Variants in ADCYAP1R1 observed in about 807,000 individuals in gnomAD.
ADCYAP1R1 encodes ADCYAP receptor type I.
Under a neutral mutation model 67.6 loss-of-function variants are expected in ADCYAP1R1, and 44 were observed. The ratio of observed to expected loss-of-function variants is 0.65; its 90% CI spans 0.51 to 0.84. The LOEUF (loss-of-function observed/expected upper bound fraction) is 0.84, where lower values mean the gene tolerates loss of function less well. Among genes scored for constraint, ADCYAP1R1 ranks in the 40% least tolerant of loss-of-function variants. The pLI, the probability that ADCYAP1R1 is intolerant of heterozygous loss-of-function variation, is 0.00. For synonymous variants in ADCYAP1R1, 222 were observed against 219.6 expected, an observed-to-expected ratio of 1.01 and a Z score of -0.10; for missense variants, 477 against 587.9, an observed-to-expected ratio of 0.81 and a Z score of 1.95.
intron 1 of ADCYAP1R1, among the ~76,000 whole-genome samples, chr7:31,055,281 G>T (rs760257097): frequency 6.6e-6 from 1 of 151,948 alleles, no homozygotes; most frequent in Non-Finnish European, 1.5e-5. Flanking sequence ...GATCACAAAG[G>T]TCTTCATTAA....
intron 3 of ADCYAP1R1, among the ~76,000 whole-genome samples, chr7:31,072,075 C>A (rs961798204): frequency 6.8e-6 from 1 of 146,346 alleles, no homozygotes; most frequent in African/African-American, 2.5e-5. Context: ...TGGGAGACAT[C>A]CTTGGTACCT....
chr7:31,071,645 T>C (rs1209169138), intron 3 of ADCYAP1R1, among the ~76,000 whole-genome samples: 6 of 152,352 alleles, frequency 3.9e-5, no homozygotes, highest in African/African-American at 1.4e-4. Context: ...CTTTTCTAAA[T>C]GCTGGCATTT....
Position 31,108,263 on chromosome 7 carries a change from A to G in ADCYAP1R1, c.*1579A>G, listed in dbSNP as rs1332853822. The G allele has an allele frequency of 6.6e-6, 1 of 152,226 alleles. No individual in the cohort carries two copies. Among genetic ancestry groups the G allele is most frequent in the African/African-American group, 2.4e-5 (1 of 41,452 alleles). The allele number at this position is 152,226 out of a possible 1,614,324, so 9.4% of individuals were successfully genotyped here. ...GAAAAGGCTCTTGTTGCTGTAATTT[A>G]GAGAGGAGCTCTGTGTCCTTGGCCA... is the stretch of plus-strand genomic sequence containing the variant. On this transcript the variant is annotated 3_prime_UTR_variant, in exon 16 of 16. Transcript: ENST00000304166.
At chr7:31,057,652 A>G (rs1430445836) in intron 1 of ADCYAP1R1, among the ~76,000 whole-genome samples, 1 of 152,104 alleles carries the variant, frequency 6.6e-6, no homozygotes, top group Non-Finnish European at 1.5e-5. Flanking sequence ...TGAGGAGGAA[A>G]GAGGTTCTAG....
chr7:31,081,043 A>G (rs575258872), intron 5 of ADCYAP1R1, among the ~76,000 whole-genome samples: 1 of 152,370 alleles, frequency 6.6e-6, no homozygotes, highest in South Asian at 2.1e-4. Context: ...AGAGAACAGA[A>G]GAGCAAATGA....
chr7:31,104,265 C>A (rs1261067936), intron 14 of ADCYAP1R1, among the ~76,000 whole-genome samples: 1 of 152,214 alleles, frequency 6.6e-6, no homozygotes, highest in Non-Finnish European at 1.5e-5. Context: ...CTTCAAACGA[C>A]AGCACAGGGC....
At chr7:31,067,225 G>T (rs1014902424) in intron 3 of ADCYAP1R1, among the ~76,000 whole-genome samples, 6 of 152,156 alleles carry the variant, frequency 3.9e-5, no homozygotes, top group African/African-American at 1.4e-4. Context: ...GCTAAGGAGA[G>T]GATCCCTCAT....
intron 14 of ADCYAP1R1, among the ~76,000 whole-genome samples, chr7:31,104,336 G>A (rs741057): frequency 0.42 from 63,301 of 152,070 alleles, 15,558 homozygotes; most frequent in East Asian, 0.69. Context: ...TTTTTGGTGT[G>A]GATTTAAAGA....
rs140929895 is a variant in ADCYAP1R1, at chr7:31,052,880, C to T, written c.-72+202C>T. Among the ~76,000 whole-genome samples the T allele has an allele frequency of 8.0e-3, 1,212 of 152,278 alleles. 17 individuals carry two copies. Among genetic ancestry groups the T allele is most frequent in the African/African-American group, 0.027 (1,141 of 41,572 alleles). Reference sequence around the variant, plus strand: ...GAAATGAAGCCCCCTCCCGCCGCTGCGCCCTTCCTGCGCGTCAGGCTGACA... The same window carrying T: ...GAAATGAAGCCCCCTCCCGCCGCTGTGCCCTTCCTGCGCGTCAGGCTGACA... On this transcript the variant is annotated intron_variant, in intron 1 of 15. Coordinates refer to ENST00000304166, the MANE Select transcript of ADCYAP1R1 (RefSeq NM_001118.5).
chr7:31,085,734 A>T (rs568152795), intron 9 of ADCYAP1R1, among the ~76,000 whole-genome samples: 2 of 152,342 alleles, frequency 1.3e-5, no homozygotes, highest in Non-Finnish European at 1.5e-5. Context: ...ACCAAGTCCC[A>T]CTTGAATGAA....
At chr7:31,104,738 A>T (rs1796571571) in intron 14 of ADCYAP1R1, 130 bp from the exon 15 acceptor site, 2 of 1,020,280 alleles carry the variant, frequency 2.0e-6, no homozygotes, top group Non-Finnish European at 3.1e-6. Context: ...CTTACCCCAG[A>T]TCCCTGGGCA....
At chr7:31,075,655 G>A (rs1044978904) in intron 3 of ADCYAP1R1, among the ~76,000 whole-genome samples, 17 of 152,312 alleles carry the variant, frequency 1.1e-4, no homozygotes, top group African/African-American at 4.1e-4. Context: ...GGAAAAGTGA[G>A]TGGCAGGGCC....
At chr7:31,095,428 G>A (rs1796147654) in intron 13 of ADCYAP1R1, among the ~76,000 whole-genome samples, 1 of 152,192 alleles carries the variant, frequency 6.6e-6, no homozygotes. Context: ...GTTCCAGCCT[G>A]TGTGAAAGCC....
At chr7:31,075,554 G>A (rs138789788) in intron 3 of ADCYAP1R1, among the ~76,000 whole-genome samples, 1 of 152,148 alleles carries the variant, frequency 6.6e-6, no homozygotes, top group African/African-American at 2.4e-5. Context: ...GGTTCTCCAG[G>A]GTTCCTTCCT....
At chr7:31,081,557 G>T (rs776735904) in intron 5 of ADCYAP1R1, among the ~76,000 whole-genome samples, 156 bp from the exon 6 acceptor site, 19 of 152,208 alleles carry the variant, frequency 1.2e-4, no homozygotes, top group Non-Finnish European at 1.2e-4. Context: ...TGTGAGAAAG[G>T]TGCGCGGCTG....
intron 13 of ADCYAP1R1, among the ~76,000 whole-genome samples, chr7:31,094,423 G>A (rs964670777): frequency 5.3e-5 from 8 of 152,120 alleles, no homozygotes; most frequent in Admixed American, 3.3e-4. Context: ...CTGCTTGGGC[G>A]TGGATCAGGT....
chr7:31,057,967 C>T (rs1031577427), intron 1 of ADCYAP1R1, among the ~76,000 whole-genome samples: 10 of 152,190 alleles, frequency 6.6e-5, no homozygotes, highest in South Asian at 4.1e-4. Flanking sequence ...ATGGCCCCAG[C>T]CCCATGATGG....
chr7:31,075,718 A>G (rs1405717211), intron 3 of ADCYAP1R1, among the ~76,000 whole-genome samples: 1 of 152,152 alleles, frequency 6.6e-6, no homozygotes, highest in African/African-American at 2.4e-5. Flanking sequence ...AAGAGCCCAG[A>G]AAGCATGGGA....
Position 31,064,878 on chromosome 7 carries a change from G to A in ADCYAP1R1, c.99G>A (p.Met33Ile), listed in dbSNP as rs1794669469. ...GCATCTTCAAGAAGGAGCAAGCCAT[G>A]TGCCTGGAGAAGATCCAGAGGGCCA... ...SDCIFKKEQAMCLEKIQRANE... is the reference protein window; with the variant it reads ...SDCIFKKEQAICLEKIQRANE... The change falls in exon 3 of 16, where the codon ATG (methionine) becomes ATA (isoleucine). Residue 33 changes from methionine to isoleucine, a missense_variant. Coordinates refer to ENST00000304166, the MANE Select transcript of ADCYAP1R1 (RefSeq NM_001118.5). 6.2e-7 allele frequency: 1 copy of A among 1,612,932 alleles called. No individual in the cohort carries two copies. Among genetic ancestry groups the A allele is most frequent in the Non-Finnish European group, 8.5e-7 (1 of 1,179,590 alleles).
Sources: allele counts gnomAD v4.1 joint callset (sites outside exome capture counted in the v4.1 genomes callset), GRCh38; gene constraint gnomAD v4.1.1; transcripts MANE v1.5; gene names NCBI Gene and HGNC (gene_info 2026-07-23, HGNC 2026-07-21).